RBFOX1: variants seen among roughly 807,000 people sequenced by gnomAD.
The protein encoded by RBFOX1 is RNA binding fox-1 homolog 1.
In RBFOX1, 8 loss-of-function variants were observed where a neutral mutation model predicts 57.7. That is an observed-to-expected ratio of 0.14 (90% CI 0.08 to 0.25). RBFOX1 has a LOEUF of 0.25. RBFOX1 is among the 10% of genes least tolerant of loss of function. The probability of loss-of-function intolerance (pLI) is 1.00; values close to 1 mark genes in which losing one functional copy is unlikely to be tolerated. For synonymous variants in RBFOX1, 326 were observed against 222.4 expected (o/e 1.47, Z -4.15); for missense variants, 611 against 548.5 (o/e 1.11, Z -1.14).
chr16:7,679,800 C>A (rs572530338), intron 14 of RBFOX1, among the ~76,000 whole-genome samples: 1 of 151,994 alleles, frequency 6.6e-6, no homozygotes, highest in South Asian at 2.1e-4. Flanking sequence ...TGAATGTTGA[C>A]CTCCAGAAAG....
intron 5 of RBFOX1, among the ~76,000 whole-genome samples, chr16:7,539,834 C>T (rs1015954159): frequency 7.9e-5 from 12 of 152,178 alleles, no homozygotes; most frequent in African/African-American, 2.4e-4. Context: ...AAGAATATAG[C>T]ATCCAGATAG....
Position 5,249,513 on chromosome 16 carries a change from A to G in RBFOX1, c.219+9408A>G, listed in dbSNP as rs1416503611. Among the ~76,000 whole-genome samples, 4 of 152,068 alleles carry G rather than the reference A, an allele frequency of 2.6e-5. 1 individual carries two copies. In the South Asian group the frequency reaches 8.3e-4, roughly 32 times the overall value. On this transcript the variant is annotated intron_variant, in intron 1 of 2. Coordinates refer to the RBFOX1 transcript ENST00000585867. ...TGTTTTTCTTTTCTGACTCTGTTCT[A>G]TGTTGTCCTGATGTGGGGGTAAGCC... is the stretch of plus-strand genomic sequence containing the variant.
chr16:5,279,615 C>T (rs2063222945), intron 1 of RBFOX1, among the ~76,000 whole-genome samples: 1 of 152,206 alleles, frequency 6.6e-6, no homozygotes, highest in African/African-American at 2.4e-5. Flanking sequence ...GATTCTCCTG[C>T]TTCAGCCTCC....
intron 2 of RBFOX1, among the ~76,000 whole-genome samples, chr16:6,597,124 A>T (rs1189115209): frequency 1.3e-5 from 2 of 152,192 alleles, no homozygotes; most frequent in African/African-American, 4.8e-5. Flanking sequence ...GAAATTACAA[A>T]AGGAGTTGAC....
intron 3 of RBFOX1, among the ~76,000 whole-genome samples, chr16:6,689,395 T>C (rs1257986561): frequency 6.6e-6 from 1 of 152,232 alleles, no homozygotes; most frequent in Non-Finnish European, 1.5e-5. Flanking sequence ...TTATTTGATG[T>C]GGGCAATAGA....
At chr16:5,975,073 T>G (rs1416580766) in intron 4 of RBFOX1, among the ~76,000 whole-genome samples, 3 of 152,202 alleles carry the variant, frequency 2.0e-5, no homozygotes, top group African/African-American at 7.2e-5. Context: ...AAAGTTGGCC[T>G]CTTTTTTTAA....
intron 3 of RBFOX1, among the ~76,000 whole-genome samples, chr16:6,868,791 A>T (rs1282872478): frequency 5.3e-5 from 8 of 152,074 alleles, no homozygotes; most frequent in Admixed American, 5.2e-4. Flanking sequence ...AAAGATAGGT[A>T]ATAAGGTTGC....
intron 1 of RBFOX1, among the ~76,000 whole-genome samples, chr16:6,253,699 G>GTGTATATATATATATA (rs71145205): frequency 9.1e-5 from 13 of 142,412 alleles, no homozygotes; most frequent in Non-Finnish European, 1.5e-4. Flanking sequence ...GTGTGTGTGT[G>GTGTATATATATATATA]TATATATATA....
At chr16:7,328,496 A>AG (rs1180428252) in intron 4 of RBFOX1, among the ~76,000 whole-genome samples, 2 of 151,248 alleles carry the variant, frequency 1.3e-5, no homozygotes, top group Admixed American at 6.6e-5. Context: ...AAAAAAAAAA[A>AG]AAAAGAAGAC....
At chr16:6,541,833 A>T (rs1463775326) in intron 2 of RBFOX1, among the ~76,000 whole-genome samples, 1 of 152,186 alleles carries the variant, frequency 6.6e-6, no homozygotes, top group East Asian at 1.9e-4. Context: ...ACTTACAAAC[A>T]ACTTTAATGG....
intron 2 of RBFOX1, among the ~76,000 whole-genome samples, chr16:5,490,817 C>T (rs1157682766): frequency 6.6e-6 from 1 of 152,138 alleles, no homozygotes; most frequent in Non-Finnish European, 1.5e-5. Context: ...AGTTTTTCTT[C>T]TTAATAAACT....
chr16:6,651,748 C>T (rs947316589), intron 2 of RBFOX1, among the ~76,000 whole-genome samples: 10 of 152,158 alleles, frequency 6.6e-5, no homozygotes, highest in Admixed American at 3.9e-4. Flanking sequence ...TGAATAGATA[C>T]GTACACACCC....
intron 2 of RBFOX1, among the ~76,000 whole-genome samples, chr16:5,468,470 C>G (rs1184485562): frequency 1.3e-5 from 2 of 152,104 alleles, no homozygotes; most frequent in African/African-American, 4.8e-5. Flanking sequence ...TGTCTGGCTT[C>G]TTTTACCAAG....
chr16:7,258,469 C>G (rs1261167762), intron 4 of RBFOX1, among the ~76,000 whole-genome samples: 1 of 150,940 alleles, frequency 6.6e-6, no homozygotes, highest in African/African-American at 2.4e-5. Flanking sequence ...CCTAAACCCT[C>G]TCTCTCTCTC....
chr16:6,969,311 G>A lies in RBFOX1; in HGVS notation c.-15-82746G>A, dbSNP rs114967806. On this transcript the variant is annotated intron_variant, in intron 3 of 15. Transcript: ENST00000550418. ...TTACTCAACGAATCCTATTTAGTGCGGGGTCAGGATTAGGGTGCATTGAGG... is the reference window on the plus strand; with the variant it reads ...TTACTCAACGAATCCTATTTAGTGCAGGGTCAGGATTAGGGTGCATTGAGG... Among the ~76,000 whole-genome samples the A allele has an allele frequency of 6.5e-3, 992 of 152,262 alleles. 14 individuals are homozygous for A. The highest frequency in any genetic ancestry group is 0.023 in the African/African-American group (936 of 41,554).
chr16:5,568,576 A>T (rs540546952), intron 2 of RBFOX1, among the ~76,000 whole-genome samples: 1 of 152,250 alleles, frequency 6.6e-6, no homozygotes, highest in South Asian at 2.1e-4. Flanking sequence ...GGATGTGAGG[A>T]TGCGTGACAC....
intron 4 of RBFOX1, among the ~76,000 whole-genome samples, chr16:7,234,974 T>G (rs2152938418): frequency 6.6e-6 from 1 of 152,236 alleles, no homozygotes; most frequent in Non-Finnish European, 1.5e-5. Flanking sequence ...AAGAAATTTA[T>G]TTCTACCTCT....
At chr16:7,690,933 A>G (rs189844205) in intron 14 of RBFOX1, among the ~76,000 whole-genome samples, 1 of 152,134 alleles carries the variant, frequency 6.6e-6, no homozygotes, top group Non-Finnish European at 1.5e-5. Context: ...AGGCCACCAA[A>G]GCCAATCTGA....
At chr16:5,547,009 T>A (rs2045236391) in intron 2 of RBFOX1, among the ~76,000 whole-genome samples, 1 of 152,200 alleles carries the variant, frequency 6.6e-6, no homozygotes, top group Non-Finnish European at 1.5e-5. Flanking sequence ...TTGTTCAACA[T>A]CATTAATCAT....
Sources: gnomAD v4.1 joint callset for allele counts (sites outside exome capture counted in the v4.1 genomes callset) on GRCh38, gnomAD v4.1.1 for gene constraint, MANE v1.5 for transcripts, NCBI Gene and HGNC (gene_info 2026-07-23, HGNC 2026-07-21) for gene names.